The following IFI44L variants were observed in gnomAD, a reference collection of about 807,000 sequenced individuals.
The protein encoded by IFI44L is interferon-induced protein 44-like.
IFI44L carries 40 observed loss-of-function variants against 39.3 expected under a neutral mutation model. The ratio of observed to expected loss-of-function variants is 1.02; its 90% CI spans 0.79 to 1.33. The LOEUF (loss-of-function observed/expected upper bound fraction) is 1.33. Among genes scored for constraint, IFI44L ranks in the 40% most tolerant of loss-of-function variants. IFI44L has a pLI of 0.00. For synonymous variants in IFI44L, 198 were observed against 182.3 expected (o/e 1.09, Z -0.69); for missense variants, 623 against 549.0 (o/e 1.13, Z -1.35).
At chr1:78,636,065 T>C (rs1652940449) in intron 5 of IFI44L, 1 of 152,018 alleles carries the variant, frequency 6.6e-6, no homozygotes, top group African/African-American at 2.4e-5. Flanking sequence ...GTTTAAGTTC[T>C]CAAAAAAGCC....
chr1:78,621,901 G>A (rs374652309), intron 1 of IFI44L, among the ~76,000 whole-genome samples: 2 of 152,022 alleles, frequency 1.3e-5, no homozygotes, highest in East Asian at 3.9e-4. Flanking sequence ...GGTTTCCATC[G>A]CTTTGAGTAT....
rs376331794 is a variant in IFI44L at position 78,637,160 on chromosome 1, G to A, written c.1005G>A (p.Met335Ile). ...CTATTGACAATCTCTACTCTAAAATGTTGGCAAAAGTGAAGCAAGTTCACA... is the reference window on the plus strand; with the variant it reads ...CTATTGACAATCTCTACTCTAAAATATTGGCAAAAGTGAAGCAAGTTCACA... Reference protein sequence around the residue: ...INSIDNLYSKMLAKVKQVHKE... With the variant: ...INSIDNLYSKILAKVKQVHKE... Residue 335 changes from methionine (M) to isoleucine (I), a missense_variant, in exon 6 of 9, where the codon ATG (methionine) becomes ATA (isoleucine). Transcript: ENST00000370751. The A allele has an allele frequency of 5.0e-6, 8 of 1,608,796 alleles. No individual in the cohort carries two copies. Among genetic ancestry groups the A allele is most frequent in the South Asian group, 3.3e-5 (3 of 89,904 alleles).
chr1:78,633,320 G>T (rs767453271), intron 4 of IFI44L, among the ~76,000 whole-genome samples: 1 of 152,116 alleles, frequency 6.6e-6, no homozygotes, highest in Non-Finnish European at 1.5e-5. Context: ...GTTATTTGAC[G>T]GCTGAGCCTC....
chr1:78,628,294 G>A lies in IFI44L; in HGVS notation c.379G>A (p.Asp127Asn). Residue 127 changes from aspartate to asparagine, a missense_variant, in exon 2 of 9, where the codon GAT (aspartate) becomes AAT (asparagine). Coordinates refer to ENST00000370751, the MANE Select transcript of IFI44L (RefSeq NM_006820.4). Reference sequence around the variant, plus strand: ...AACGGATATTTTCATTATATGTCGAGATAATAAAATTTATCTAGATAAAAT... The same window carrying A: ...AACGGATATTTTCATTATATGTCGAAATAATAAAATTTATCTAGATAAAAT... Reference protein sequence around the residue: ...SKTDIFIICRDNKIYLDKMIT... With the variant: ...SKTDIFIICRNNKIYLDKMIT... 1 of 1,604,924 alleles carries A rather than the reference G, an allele frequency of 6.2e-7. No homozygotes were observed. Among genetic ancestry groups the A allele is most frequent in the South Asian group, 1.1e-5 (1 of 90,016 alleles).
chr1:78,635,431 G>A lies in IFI44L; in HGVS notation c.818G>A (p.Gly273Glu). The change falls in exon 5 of 9, where the codon GGA becomes GAA. Residue 273 changes from glycine to glutamate, a missense_variant. Coordinates refer to ENST00000370751, the MANE Select transcript of IFI44L (RefSeq NM_006820.4). ...TMGLDGAEGA[G>E]LCMDDIPHIL... ...GGGCTAGATGGGGCAGAAGGAGCAG[G>A]ACTGTGCATGGATGACATTCCCCAC... 3 of 1,613,714 alleles carry A rather than the reference G, an allele frequency of 1.9e-6. No homozygotes were observed. Among genetic ancestry groups the A allele is most frequent in the Non-Finnish European group, 2.5e-6 (3 of 1,179,732 alleles).
chr1:78,641,185 T>TTGTGTG, intron 7 of IFI44L, 64 bp downstream of exon 7: 1 of 1,177,612 alleles, frequency 8.5e-7, no homozygotes, highest in Non-Finnish European at 1.3e-6. Flanking sequence ...GTGTGTGTGT[T>TTGTGTG]TGTGTGTGTC....
intron 1 of IFI44L, chr1:78,627,494 C>G (rs149891682): frequency 6.6e-6 from 1 of 152,528 alleles, no homozygotes; most frequent in African/African-American, 2.4e-5. Context: ...TATTGGAACA[C>G]AGTCATGCTC....
chr1:78,639,625 C>G (rs779520220), intron 6 of IFI44L, among the ~76,000 whole-genome samples: 1 of 152,162 alleles, frequency 6.6e-6, no homozygotes, highest in African/African-American at 2.4e-5. Context: ...GCATTATCTG[C>G]ACTTTTCAAT....
chr1:78,640,856 TTTC>T (rs1455983087), intron 6 of IFI44L, among the ~76,000 whole-genome samples, 162 bp from the exon 7 acceptor site: 2 of 152,168 alleles, frequency 1.3e-5, no homozygotes, highest in Non-Finnish European at 2.9e-5. Context: ...TCAAAGATCA[TTTC>T]TCCTCTAGAA....
intron 6 of IFI44L, among the ~76,000 whole-genome samples, chr1:78,640,415 A>G (rs953580501): frequency 2.0e-5 from 3 of 152,168 alleles, no homozygotes; most frequent in Non-Finnish European, 2.9e-5. Flanking sequence ...TAGTAATGGA[A>G]AAAATAAACA....
chr1:78,625,206 A>G (rs1284832979), intron 1 of IFI44L, among the ~76,000 whole-genome samples: 1 of 152,130 alleles, frequency 6.6e-6, no homozygotes, highest in African/African-American at 2.4e-5. Flanking sequence ...CTGGAAGAAC[A>G]TGTGTAAGAT....
In IFI44L at chr1:78,628,035, G is replaced by A; in HGVS notation, c.120G>A (p.Met40Ile). The A allele has an allele frequency of 1.2e-6, 2 of 1,613,170 alleles. No homozygotes were observed. Among genetic ancestry groups the A allele is most frequent in the Non-Finnish European group, 1.7e-6 (2 of 1,179,424 alleles). The change falls in exon 2 of 9, where the codon ATG becomes ATA. Residue 40 changes from methionine to isoleucine, a missense_variant. Met to Ile is a conservative substitution (Grantham distance 10, BLOSUM62 1). Coordinates refer to ENST00000370751, the MANE Select transcript of IFI44L (RefSeq NM_006820.4). ...SSVHGGSIED[M>I]VERCSRQGCT... ...TTCATGGAGGTAGCATTGAAGATAT[G>A]GTTGAAAGATGCAGCCGTCAGGGAT...
chr1:78,637,292 G>A, intron 6 of IFI44L, 89 bp downstream of exon 6: 1 of 967,510 alleles, frequency 1.0e-6, no homozygotes, highest in Non-Finnish European at 1.5e-6. Context: ...GATTTCCCAT[G>A]TACCTTTCAT....
intron 3 of IFI44L, among the ~76,000 whole-genome samples, chr1:78,629,274 T>C (rs1303577271): frequency 4.6e-5 from 7 of 152,190 alleles, no homozygotes; most frequent in Non-Finnish European, 1.0e-4. Context: ...TCTGAATCCT[T>C]TCCTTGAGAA....
chr1:78,636,411 CA>C (rs1312333520), intron 5 of IFI44L, among the ~76,000 whole-genome samples: 1 of 152,070 alleles, frequency 6.6e-6, no homozygotes, highest in Non-Finnish European at 1.5e-5. Context: ...GGGAGCCAGT[CA>C]ATTCAGTCCA....
Position 78,628,640 on chromosome 1 carries a change from G to C in IFI44L, c.478+247G>C, listed in dbSNP as rs79886163. The C allele has an allele frequency of 7.6e-3, 3,948 of 520,116 alleles. 138 individuals carry two copies. The highest frequency in any genetic ancestry group is 0.067 in the African/African-American group (3,482 of 51,758). 32.2% of individuals were successfully genotyped at this position (520,116 alleles called of 1,614,324 possible). On this transcript the variant is annotated intron_variant, in intron 2 of 8. Coordinates refer to ENST00000370751, the MANE Select transcript of IFI44L (RefSeq NM_006820.4). ...GTGCAGAGATAGAGATGACAAAGGAGATGGGGATGTGGAGAGAGAGAGATC... is the reference window on the plus strand; with the variant it reads ...GTGCAGAGATAGAGATGACAAAGGACATGGGGATGTGGAGAGAGAGAGATC...
rs1379757458 is a variant in IFI44L at position 78,643,406 on chromosome 1, AC to A, written c.*1599del. ...TTATTGCACAGTAACACACCAATAT[AC>A]CAAAACAGCAGGTATTGCAGTAGAG... On this transcript the variant is annotated 3_prime_UTR_variant, in exon 9 of 9. Transcript: ENST00000370751. The A allele has an allele frequency of 1.3e-5, 2 of 152,164 alleles. No homozygotes were observed. The highest frequency in any genetic ancestry group is 4.8e-5 in the African/African-American group (2 of 41,450). 9.4% of individuals were successfully genotyped at this position (152,164 alleles called of 1,614,324 possible).
intron 1 of IFI44L, 58 bp from the exon 2 acceptor site, chr1:78,627,848 T>C: frequency 1.0e-6 from 1 of 956,298 alleles, no homozygotes; most frequent in Non-Finnish European, 1.4e-6. Flanking sequence ...AGTGGAAACC[T>C]AAGCTATAAG....
At chr1:78,629,949 AT>A in intron 4 of IFI44L, 34 bp downstream of exon 4, 1 of 1,536,476 alleles carries the variant, frequency 6.5e-7, no homozygotes, top group South Asian at 1.1e-5. Context: ...TATTTTATAG[AT>A]TACAATTATT....
Sources: gnomAD v4.1 joint callset for allele counts (sites outside exome capture counted in the v4.1 genomes callset) on GRCh38, gnomAD v4.1.1 for gene constraint, MANE v1.5 for transcripts, NCBI Gene and HGNC (gene_info 2026-07-23, HGNC 2026-07-21) for gene names.